The following ZNF385D variants were observed in gnomAD, a reference collection of about 807,000 sequenced individuals.
ZNF385D encodes zinc finger protein 385D.
Under a neutral mutation model 35.8 loss-of-function variants are expected in ZNF385D, and 15 were observed. The observed-to-expected ratio is 0.42, with a 90% CI of 0.28 to 0.64. The LOEUF (loss-of-function observed/expected upper bound fraction) is 0.64, where lower values mean the gene tolerates loss of function less well. ZNF385D is among the 30% of genes least tolerant of loss of function. ZNF385D has a pLI of 0.23. For synonymous variants in ZNF385D, 212 were observed against 186.8 expected, an observed-to-expected ratio of 1.13 and a Z score of -1.10; for missense variants, 474 against 494.6, an observed-to-expected ratio of 0.96 and a Z score of 0.39.
chr3:21,425,498 A>C lies in ZNF385D; in HGVS notation c.846T>G (p.Leu282=). 1.3e-6 allele frequency: 2 copies of C among 1,597,648 alleles called. No homozygotes were observed. Among genetic ancestry groups the C allele is most frequent in the Admixed American group, 3.4e-5 (2 of 58,462 alleles). Reference sequence around the variant, plus strand: ...TAGAATACGTGCTGTTTACCTGTTTAAGTTGCGTTTCCGAGTTGACGTGCA... The same window carrying C: ...TAGAATACGTGCTGTTTACCTGTTTCAGTTGCGTTTCCGAGTTGACGTGCA... ...CDVHVNSETQ[L]KQHISSRRHK... is the part of the protein sequence containing the mutation. The change falls in exon 6 of 8, where the codon CTT becomes CTG. Residue 282 remains leucine, a synonymous_variant. Coordinates refer to ENST00000281523, the MANE Select transcript of ZNF385D (RefSeq NM_024697.3).
At chr3:21,855,851 A>G (rs902340705) in intron 3 of ZNF385D, among the ~76,000 whole-genome samples, 5 of 149,688 alleles carry the variant, frequency 3.3e-5, no homozygotes, top group African/African-American at 1.2e-4. Flanking sequence ...GGTGACAACT[A>G]TAATATCCTA....
At chr3:21,577,812 CTTTTTTTTTTT>C (rs779083360) in intron 2 of ZNF385D, among the ~76,000 whole-genome samples, 1 of 133,570 alleles carries the variant, frequency 7.5e-6, no homozygotes, top group East Asian at 2.2e-4. Flanking sequence ...TATTTTTTTT[CTTTTTTTTTTT>C]TTTCGAGACA....
intron 1 of ZNF385D, among the ~76,000 whole-genome samples, chr3:21,732,224 G>C (rs1181769707): frequency 2.6e-5 from 4 of 151,252 alleles, no homozygotes; most frequent in African/African-American, 9.7e-5. Flanking sequence ...TAATTTTTTT[G>C]TATTTTTAGT....
chr3:21,517,174 C>T (rs146805728), intron 3 of ZNF385D, among the ~76,000 whole-genome samples: 8 of 152,020 alleles, frequency 5.3e-5, no homozygotes, highest in African/African-American at 1.9e-4. Context: ...AGTGACTCAG[C>T]CCACAGTTAA....
intron 3 of ZNF385D, among the ~76,000 whole-genome samples, chr3:21,824,911 A>G (rs924695371): frequency 2.6e-5 from 4 of 152,192 alleles, no homozygotes; most frequent in Non-Finnish European, 4.4e-5. Context: ...GATTGTAACT[A>G]TAATATGATA....
intron 2 of ZNF385D, among the ~76,000 whole-genome samples, chr3:22,260,414 A>G (rs1329000849): frequency 6.6e-6 from 1 of 151,952 alleles, no homozygotes; most frequent in Non-Finnish European, 1.5e-5. Context: ...CTTAAAACCT[A>G]GATGTTGGGT....
intron 3 of ZNF385D, among the ~76,000 whole-genome samples, chr3:21,910,035 A>G (rs1390945142): frequency 6.6e-6 from 1 of 151,946 alleles, no homozygotes; most frequent in Non-Finnish European, 1.5e-5. Context: ...TTACTGCTAC[A>G]TTTCAAAGTA....
intron 2 of ZNF385D, among the ~76,000 whole-genome samples, chr3:22,350,510 A>T (rs755853679): frequency 6.6e-6 from 1 of 152,090 alleles, no homozygotes; most frequent in Non-Finnish European, 1.5e-5. Flanking sequence ...ATCTGTGTGT[A>T]TAAGCTATTG....
chr3:21,956,278 G>C (rs1413619246), intron 3 of ZNF385D, among the ~76,000 whole-genome samples: 1 of 151,978 alleles, frequency 6.6e-6, no homozygotes, highest in Non-Finnish European at 1.5e-5. Flanking sequence ...TTTATCCAGA[G>C]TCCTAGAGGT....
At chr3:21,785,924 C>A (rs2071670700) in intron 3 of ZNF385D, among the ~76,000 whole-genome samples, 1 of 152,170 alleles carries the variant, frequency 6.6e-6, no homozygotes, top group Admixed American at 6.5e-5. Flanking sequence ...TCCATAGAGG[C>A]TGCACTGGCA....
intron 3 of ZNF385D, among the ~76,000 whole-genome samples, chr3:21,983,155 TTTTATTTTATTA>T (rs1454216444): frequency 5.0e-5 from 4 of 79,210 alleles, no homozygotes; most frequent in African/African-American, 1.7e-4. Flanking sequence ...TTTTATTTTA[TTTTATTTTATTA>T]TTTTTTTTTA....
At chr3:22,049,670 T>C (rs183888155) in intron 3 of ZNF385D, among the ~76,000 whole-genome samples, 535 of 152,344 alleles carry the variant, frequency 3.5e-3, no homozygotes, top group Non-Finnish European at 6.4e-3. Context: ...ATGGCCTTTA[T>C]TGTGTCGAAA....
At chr3:21,573,656 A>C (rs902495646) in intron 2 of ZNF385D, among the ~76,000 whole-genome samples, 1 of 152,216 alleles carries the variant, frequency 6.6e-6, no homozygotes, top group Non-Finnish European at 1.5e-5. Context: ...AAAGAAACAA[A>C]AACAAAATAG....
At chr3:22,367,502 G>C (rs766090069) in intron 2 of ZNF385D, among the ~76,000 whole-genome samples, 10 of 152,200 alleles carry the variant, frequency 6.6e-5, no homozygotes, top group Middle Eastern at 3.4e-3. Context: ...TGGAACCTTT[G>C]TTCTTTACAT....
At chr3:21,422,196 C>A (rs1419839024) in intron 7 of ZNF385D, among the ~76,000 whole-genome samples, 1 of 152,154 alleles carries the variant, frequency 6.6e-6, no homozygotes, top group Non-Finnish European at 1.5e-5. Context: ...TTTGACTACT[C>A]TGTTTATTTA....
At chr3:22,191,219 G>A (rs752057647) in intron 2 of ZNF385D, among the ~76,000 whole-genome samples, 3 of 151,880 alleles carry the variant, frequency 2.0e-5, no homozygotes, top group Admixed American at 2.0e-4. Flanking sequence ...AGCCGGGCGC[G>A]GTGGCTCACG....
chr3:21,519,007 T>C (rs1707752205), intron 3 of ZNF385D, among the ~76,000 whole-genome samples: 1 of 152,108 alleles, frequency 6.6e-6, no homozygotes, highest in South Asian at 2.1e-4. Context: ...GTGAAAAACA[T>C]GATTCAATTA....
intron 2 of ZNF385D, among the ~76,000 whole-genome samples, chr3:21,656,987 C>A (rs1348030508): frequency 6.6e-6 from 1 of 151,634 alleles, no homozygotes; most frequent in Non-Finnish European, 1.5e-5. Flanking sequence ...AGGAAACAGG[C>A]CAAATATATT....
intron 3 of ZNF385D, among the ~76,000 whole-genome samples, chr3:21,947,346 G>C (rs865784278): frequency 6.6e-6 from 1 of 150,696 alleles, no homozygotes; most frequent in Non-Finnish European, 1.5e-5. Context: ...TATTTTACTA[G>C]TTATTTATTT....
Sources: gnomAD v4.1 joint callset for allele counts (sites outside exome capture counted in the v4.1 genomes callset) on GRCh38, gnomAD v4.1.1 for gene constraint, MANE v1.5 for transcripts, NCBI Gene and HGNC (gene_info 2026-07-23, HGNC 2026-07-21) for gene names.